Variants in NCAM2 observed in about 807,000 individuals in gnomAD.
NCAM2 encodes neural cell adhesion molecule 2.
NCAM2 carries 30 observed loss-of-function variants against 98.1 expected under a neutral mutation model. That is an observed-to-expected ratio of 0.31 (90% CI 0.23 to 0.41). The LOEUF (loss-of-function observed/expected upper bound fraction) is 0.41. Ranked by LOEUF, NCAM2 falls within the 10% of genes least tolerant of loss-of-function variation. The probability of loss-of-function intolerance (pLI) is 1.00; values close to 1 mark genes in which losing one functional copy is unlikely to be tolerated. For missense variants in NCAM2, 867 were observed against 1,005.8 expected (o/e 0.86, Z 1.87); for synonymous variants, 368 against 342.4 (o/e 1.07, Z -0.83).
At position 21,190,425 on chromosome 21, in the gene NCAM2, G is replaced by T. The variant is rs73334366; in HGVS notation, c.56-90153G>T. Among the ~76,000 whole-genome samples, 504 of 152,200 alleles carry T rather than the reference G, an allele frequency of 3.3e-3. 5 individuals are homozygous for T. The highest frequency in any genetic ancestry group is 0.012 in the African/African-American group (481 of 41,548). The stretch of plus-strand genomic sequence containing the variant: ...TCAATGCCCAACTTTTTATCCAGGG[G>T]CAAGAGAAGAAATTTCATCACTAAG... On this transcript the variant is annotated intron_variant, in intron 1 of 17. Transcript: ENST00000400546.
chr21:21,492,186 A>G (rs1986896901), intron 15 of NCAM2, among the ~76,000 whole-genome samples: 1 of 151,880 alleles, frequency 6.6e-6, no homozygotes, highest in Admixed American at 6.6e-5. Flanking sequence ...AGTCATTGAT[A>G]TAGTCAAGCA....
intron 1 of NCAM2, among the ~76,000 whole-genome samples, chr21:21,080,672 A>C (rs1341657421): frequency 0.019 from 2,722 of 147,122 alleles, 115 homozygotes; most frequent in African/African-American, 0.066. Context: ...AAAAAAAAAA[A>C]AAAAAAAACC....
chr21:21,081,914 T>G (rs1197148792), intron 1 of NCAM2, among the ~76,000 whole-genome samples: 1 of 151,800 alleles, frequency 6.6e-6, no homozygotes, highest in Non-Finnish European at 1.5e-5. Flanking sequence ...GCTCTACGCA[T>G]TCAATAATTG....
At chr21:21,373,355 A>G (rs964097138) in intron 8 of NCAM2, among the ~76,000 whole-genome samples, 4 of 151,922 alleles carry the variant, frequency 2.6e-5, no homozygotes, top group African/African-American at 9.7e-5. Context: ...TTTTTAATAC[A>G]ATATGAAATT....
intron 12 of NCAM2, among the ~76,000 whole-genome samples, chr21:21,444,361 G>A (rs1430590967): frequency 6.6e-6 from 1 of 152,104 alleles, no homozygotes; most frequent in Non-Finnish European, 1.5e-5. Flanking sequence ...GTGAGTTAGG[G>A]GGAGTCCCTC....
At chr21:21,275,142 T>A (rs958728489) in intron 1 of NCAM2, among the ~76,000 whole-genome samples, 2 of 152,204 alleles carry the variant, frequency 1.3e-5, no homozygotes, top group East Asian at 3.9e-4. Context: ...TAATCTTTAT[T>A]TAAAAAGATA....
Position 21,264,895 on chromosome 21 carries a change from T to A in NCAM2, c.56-15683T>A, listed in dbSNP as rs1482088289. Among the ~76,000 whole-genome samples the A allele has an allele frequency of 7.0e-5, 3 of 43,076 alleles. No homozygotes were observed. In the East Asian group the frequency reaches 9.4e-3, roughly 135 times the overall value. 28.3% of individuals were successfully genotyped at this position (43,076 alleles called of 152,430 possible). ...GTTCATAGTGGGATATATATATGTG[T>A]GTGTATATATATACACATATATTAG... On this transcript the variant is annotated intron_variant, in intron 1 of 17. Transcript: ENST00000400546.
chr21:21,082,463 G>A lies in NCAM2; in HGVS notation c.55+83845G>A, dbSNP rs114343328. ...TTTCGTAGACTAAATTCTCTACCAC[G>A]ATAATTAAATTTAGTTTTAAAAGTA... On this transcript the variant is annotated intron_variant, in intron 1 of 17. Coordinates refer to ENST00000400546, the MANE Select transcript of NCAM2 (RefSeq NM_004540.5). Among the ~76,000 whole-genome samples, 140 of 152,028 alleles carry A rather than the reference G, an allele frequency of 9.2e-4. 1 individual carries two copies. Among genetic ancestry groups the A allele is most frequent in the African/African-American group, 3.1e-3 (130 of 41,452 alleles).
chr21:21,273,639 AAAAC>A (rs1432509180), intron 1 of NCAM2, among the ~76,000 whole-genome samples: 5 of 152,190 alleles, frequency 3.3e-5, no homozygotes, highest in Non-Finnish European at 5.9e-5. Flanking sequence ...GACAGAATAA[AAAAC>A]AAAGAAAGAA....
At chr21:21,054,834 ATTC>A (rs945082675) in intron 1 of NCAM2, among the ~76,000 whole-genome samples, 1 of 152,042 alleles carries the variant, frequency 6.6e-6, no homozygotes, top group African/African-American at 2.4e-5. Context: ...ACTGTTTTAG[ATTC>A]TTTTCTCTCA....
At chr21:21,161,965 A>G (rs2067799394) in intron 1 of NCAM2, among the ~76,000 whole-genome samples, 1 of 152,072 alleles carries the variant, frequency 6.6e-6, no homozygotes, top group Non-Finnish European at 1.5e-5. Context: ...ATAGTTAAAA[A>G]TATTTCATTT....
intron 1 of NCAM2, among the ~76,000 whole-genome samples, chr21:21,246,563 AAATT>A (rs2071279292): frequency 6.6e-6 from 1 of 152,054 alleles, no homozygotes; most frequent in Admixed American, 6.6e-5. Context: ...TATTTTATGT[AAATT>A]AATTTTGCCA....
chr21:21,332,244 T>G (rs1269853548), intron 6 of NCAM2, among the ~76,000 whole-genome samples: 1 of 152,110 alleles, frequency 6.6e-6, no homozygotes, highest in Admixed American at 6.6e-5. Flanking sequence ...TTCAGAATTT[T>G]GTGTTTTGGG....
At position 21,049,381 on chromosome 21, in the gene NCAM2, A is replaced by G. The variant is rs532099806; in HGVS notation, c.55+50763A>G. Among the ~76,000 whole-genome samples the G allele has an allele frequency of 8.5e-5, 13 of 152,272 alleles. No individual in the cohort carries two copies. In the South Asian group the frequency reaches 2.3e-3, roughly 27 times the overall value. On this transcript the variant is annotated intron_variant, in intron 1 of 17. Transcript: ENST00000400546. ...AATTCTAACATAATTTTTCATGCCC[A>G]TAAAACACCACTACATTAGGCTTCT...
intron 1 of NCAM2, among the ~76,000 whole-genome samples, chr21:21,277,503 T>C (rs576751505): frequency 9.9e-4 from 151 of 152,172 alleles, no homozygotes; most frequent in African/African-American, 3.5e-3. Flanking sequence ...TGAGGGGTTG[T>C]ATAGAAAAAG....
chr21:21,142,961 C>G (rs1017251886), intron 1 of NCAM2, among the ~76,000 whole-genome samples: 2 of 152,172 alleles, frequency 1.3e-5, no homozygotes, highest in African/African-American at 2.4e-5. Flanking sequence ...GGATCTCCCT[C>G]TATCTTATAG....
At position 21,334,349 on chromosome 21, in the gene NCAM2, T is replaced by G. The variant is rs574416911; in HGVS notation, c.738-1156T>G. Among the ~76,000 whole-genome samples, 3 of 152,320 alleles carry G rather than the reference T, an allele frequency of 2.0e-5. No homozygotes were observed. The South Asian group carries it at 6.2e-4, about 32-fold the overall frequency. ...GAGAAACTGGAACAATAAATTCTAT[T>G]GAGTATAGACATATAAAGATTATGT... On this transcript the variant is annotated intron_variant, in intron 6 of 17. Coordinates refer to ENST00000400546, the MANE Select transcript of NCAM2 (RefSeq NM_004540.5).
intron 1 of NCAM2, among the ~76,000 whole-genome samples, chr21:21,015,315 G>A (rs868103740): frequency 2.6e-5 from 4 of 152,088 alleles, no homozygotes; most frequent in Non-Finnish European, 4.4e-5. Context: ...AGGAAGAGCC[G>A]ATTGAAAACA....
At chr21:21,368,837 G>A (rs1268223167) in intron 8 of NCAM2, among the ~76,000 whole-genome samples, 1 of 151,664 alleles carries the variant, frequency 6.6e-6, no homozygotes, top group African/African-American at 2.4e-5. Context: ...TTTTTTTCCT[G>A]CAGTGTGAGT....
Sources: gnomAD v4.1 joint callset for allele counts (sites outside exome capture counted in the v4.1 genomes callset) on GRCh38, gnomAD v4.1.1 for gene constraint, MANE v1.5 for transcripts, NCBI Gene and HGNC (gene_info 2026-07-23, HGNC 2026-07-21) for gene names.